The following MOB3B variants were observed in gnomAD, a reference collection of about 807,000 sequenced individuals.
The protein encoded by MOB3B is MOB kinase activator-like 2B.
Under a neutral mutation model 18.7 loss-of-function variants are expected in MOB3B, and 7 were observed. The observed-to-expected ratio is 0.37, with a 90% CI of 0.21 to 0.70. MOB3B has a LOEUF of 0.70. Among genes scored for constraint, MOB3B ranks in the 30% least tolerant of loss-of-function variants. MOB3B has a pLI of 0.52. For synonymous variants in MOB3B, 111 were observed against 99.9 expected (o/e 1.11, Z -0.66); for missense variants, 253 against 281.3 (o/e 0.90, Z 0.72).
At chr9:27,424,116 G>T (rs1196015475) in intron 2 of MOB3B, among the ~76,000 whole-genome samples, 2 of 152,196 alleles carry the variant, frequency 1.3e-5, no homozygotes, top group African/African-American at 4.8e-5. Context: ...CTGGCTTCCT[G>T]ACAGTTAATC....
At chr9:27,344,371 C>G (rs1362793580) in intron 3 of MOB3B, among the ~76,000 whole-genome samples, 3 of 152,156 alleles carry the variant, frequency 2.0e-5, no homozygotes, top group Admixed American at 6.5e-5. Flanking sequence ...GAGAATTATT[C>G]CATTTAGAAT....
rs906925130 is a variant in MOB3B, at chr9:27,459,461, T to C, written c.-198-3713A>G. Among the ~76,000 whole-genome samples, 95 of 152,200 alleles carry C rather than the reference T, an allele frequency of 6.2e-4. 2 individuals carry two copies. The highest frequency in any genetic ancestry group is 6.2e-3 in the Admixed American group (95 of 15,274). On this transcript the variant is annotated intron_variant, in intron 1 of 3. Transcript: ENST00000262244. ...ACCCCAAACCTGGTAGATCTAAGTGTGCATTTTAACAAAATCTCAAAAGTA... is the reference window on the plus strand; with the variant it reads ...ACCCCAAACCTGGTAGATCTAAGTGCGCATTTTAACAAAATCTCAAAAGTA...
intron 3 of MOB3B, among the ~76,000 whole-genome samples, chr9:27,336,105 A>G (rs1820859505): frequency 1.3e-5 from 2 of 152,142 alleles, no homozygotes; most frequent in South Asian, 4.1e-4. Context: ...CTTTCTCACA[A>G]CTCTATGAAC....
At chr9:27,340,890 C>T (rs990344677) in intron 3 of MOB3B, among the ~76,000 whole-genome samples, 1 of 152,236 alleles carries the variant, frequency 6.6e-6, no homozygotes, top group African/African-American at 2.4e-5. Context: ...TTCTCATACC[C>T]AGCATTTGTC....
intron 2 of MOB3B, among the ~76,000 whole-genome samples, chr9:27,430,835 C>T (rs374000671): frequency 4.0e-5 from 6 of 151,628 alleles, no homozygotes; most frequent in Admixed American, 2.0e-4. Flanking sequence ...TTCTTACCAC[C>T]GTGACATTAA....
chr9:27,455,116 G>A lies in MOB3B; in HGVS notation c.418+17C>T, dbSNP rs778859255. 1 of 1,613,736 alleles carries A rather than the reference G, an allele frequency of 6.2e-7. No individual in the cohort carries two copies. The highest frequency in any genetic ancestry group is 8.5e-7 in the Non-Finnish European group (1 of 1,179,866). On this transcript the variant is annotated intron_variant, in intron 2 of 3. Coordinates refer to ENST00000262244, the MANE Select transcript of MOB3B (RefSeq NM_024761.5). ...TGTGCAGGTGACAAAAAAACTGAGA[G>A]CTGGTAATGAACTTACCCACGCATG...
intron 2 of MOB3B, among the ~76,000 whole-genome samples, chr9:27,453,158 C>T (rs1213617293): frequency 2.6e-5 from 4 of 151,694 alleles, no homozygotes; most frequent in African/African-American, 7.3e-5. Context: ...TGCTAATGGT[C>T]TTTCATTAAT....
Position 27,387,484 on chromosome 9 carries a change from A to C in MOB3B, c.419-28248T>G, listed in dbSNP as rs556796271. ...AATGAGAATCATAATAATAGTGCCA[A>C]AGTCACTGTGCTGCTATAAGGAATT... On this transcript the variant is annotated intron_variant, in intron 2 of 3. Transcript: ENST00000262244. 5.9e-5 allele frequency among the ~76,000 whole-genome samples: 9 copies of C among 152,314 alleles called. No homozygotes were observed. In the South Asian group the frequency reaches 1.9e-3, roughly 32 times the overall value.
At chr9:27,480,305 T>A (rs1339507311) in intron 1 of MOB3B, among the ~76,000 whole-genome samples, 2 of 150,496 alleles carry the variant, frequency 1.3e-5, no homozygotes, top group Non-Finnish European at 3.0e-5. Flanking sequence ...CCCAGCTATT[T>A]TTTTTTTTTT....
intron 2 of MOB3B, among the ~76,000 whole-genome samples, chr9:27,401,299 G>A (rs1888382): frequency 0.84 from 127,874 of 152,196 alleles, 54,015 homozygotes; most frequent in East Asian, 1. Flanking sequence ...GTGACTTTTC[G>A]ATTCAATGGC....
chr9:27,417,205 A>T (rs1187622853), intron 2 of MOB3B, among the ~76,000 whole-genome samples: 5 of 152,148 alleles, frequency 3.3e-5, no homozygotes, highest in African/African-American at 1.2e-4. Flanking sequence ...CTACTAAAAA[A>T]TACAAAAAAT....
At chr9:27,420,565 A>T (rs1477240312) in intron 2 of MOB3B, among the ~76,000 whole-genome samples, 1 of 105,966 alleles carries the variant, frequency 9.4e-6, no homozygotes, top group Non-Finnish European at 2.0e-5. Context: ...ATATATATAT[A>T]TATATATATA....
At chr9:27,461,326 T>A (rs1049713596) in intron 1 of MOB3B, among the ~76,000 whole-genome samples, 1 of 152,242 alleles carries the variant, frequency 6.6e-6, no homozygotes, top group Admixed American at 6.5e-5. Flanking sequence ...TCAGCCCTTA[T>A]GCACTGTTTA....
Position 27,483,188 on chromosome 9 carries a change from A to C in MOB3B, c.-198-27440T>G, listed in dbSNP as rs1048750411. ...TGCTCTGTCGCCCAGGCTGGAGTGT[A>C]GTGGCGCCATCTTGGCTCACTGCAA... On this transcript the variant is annotated intron_variant, in intron 1 of 3. Coordinates refer to ENST00000262244, the MANE Select transcript of MOB3B (RefSeq NM_024761.5). Among the ~76,000 whole-genome samples the C allele has an allele frequency of 2.6e-5, 3 of 114,758 alleles. No individual in the cohort carries two copies. The Admixed American group carries it at 4.1e-4, about 16-fold the overall frequency. The allele number at this position is 114,758 out of a possible 152,430, so 75.3% of individuals were successfully genotyped here.
intron 3 of MOB3B, among the ~76,000 whole-genome samples, chr9:27,341,679 C>T (rs1820943746): frequency 6.6e-6 from 1 of 152,164 alleles, no homozygotes; most frequent in Non-Finnish European, 1.5e-5. Context: ...AGGAGCTGGT[C>T]ACCACTTTGT....
At chr9:27,486,662 G>A (rs1408796456) in intron 1 of MOB3B, among the ~76,000 whole-genome samples, 1 of 152,180 alleles carries the variant, frequency 6.6e-6, no homozygotes, top group African/African-American at 2.4e-5. Context: ...GTTAGCTCTG[G>A]CCTTCTAGAG....
At chr9:27,378,450 G>A (rs1316825728) in intron 2 of MOB3B, 1 of 471,236 alleles carries the variant, frequency 2.1e-6, no homozygotes, top group Admixed American at 2.3e-5. Context: ...TCAATGATGT[G>A]GCCAGAATGA....
intron 3 of MOB3B, 53 bp downstream of exon 3, chr9:27,358,981 A>G (rs1821232826): frequency 6.4e-7 from 1 of 1,564,000 alleles, no homozygotes; most frequent in African/African-American, 1.4e-5. Flanking sequence ...GCTCTGACAA[A>G]TGGCCGAGCT....
chr9:27,392,487 T>G (rs1821740220), intron 2 of MOB3B, among the ~76,000 whole-genome samples: 1 of 152,170 alleles, frequency 6.6e-6, no homozygotes, highest in African/African-American at 2.4e-5. Context: ...TACGTTTATG[T>G]TGCCAAAAGG....
Sources: allele counts gnomAD v4.1 joint callset (sites outside exome capture counted in the v4.1 genomes callset), GRCh38; gene constraint gnomAD v4.1.1; transcripts MANE v1.5; gene names NCBI Gene and HGNC (gene_info 2026-07-23, HGNC 2026-07-21).